The following AFG2A variants were observed in gnomAD, a reference collection of about 807,000 sequenced individuals.
The protein encoded by AFG2A is ATPase family gene 2 protein homolog A.
chr4:123,188,755 A>C, the AFG2A span, among the ~76,000 whole-genome samples: 1 of 152,230 alleles, frequency 6.6e-6, no homozygotes, highest in African/African-American at 2.4e-5. Context: ...AAATAGGATT[A>C]ATCATAAAAG....
At chr4:122,958,975 C>T in the AFG2A span, among the ~76,000 whole-genome samples, 1 of 152,150 alleles carries the variant, frequency 6.6e-6, no homozygotes, top group Admixed American at 6.5e-5. Context: ...GGTTCTCCAA[C>T]CTATGTAAGA....
the AFG2A span, among the ~76,000 whole-genome samples, chr4:123,201,855 G>A: frequency 2.0e-5 from 3 of 152,072 alleles, no homozygotes; most frequent in Non-Finnish European, 2.9e-5. Context: ...TGGTGAGGTC[G>A]AGGCTGCAGT....
At chr4:123,012,796 C>T in the AFG2A span, among the ~76,000 whole-genome samples, 5 of 152,000 alleles carry the variant, frequency 3.3e-5, no homozygotes, top group Admixed American at 2.0e-4. Context: ...GTAAAGAGGC[C>T]GCTTACCGAC....
chr4:123,185,050 C>G, the AFG2A span, among the ~76,000 whole-genome samples: 2 of 152,186 alleles, frequency 1.3e-5, no homozygotes, highest in Non-Finnish European at 2.9e-5. Context: ...CCTGCCAAGA[C>G]TATCCCTTTA....
chr4:123,062,584 C>T, the AFG2A span, among the ~76,000 whole-genome samples: 3 of 152,092 alleles, frequency 2.0e-5, no homozygotes, highest in African/African-American at 7.2e-5. Context: ...TATGGTATAG[C>T]AATAAGTCAT....
the AFG2A span, among the ~76,000 whole-genome samples, chr4:123,023,149 A>T: frequency 3.3e-5 from 5 of 151,820 alleles, no homozygotes; most frequent in Non-Finnish European, 7.4e-5. Flanking sequence ...ACTAACCTGC[A>T]CATTGTGCAC....
At chr4:123,100,528 C>G in the AFG2A span, among the ~76,000 whole-genome samples, 1 of 151,768 alleles carries the variant, frequency 6.6e-6, no homozygotes, top group African/African-American at 2.4e-5. Flanking sequence ...CCTTTTTGCT[C>G]TGAAGTTGTA....
chr4:123,240,054 A>G, the AFG2A span, among the ~76,000 whole-genome samples: 172 of 152,338 alleles, frequency 1.1e-3, 2 homozygotes, highest in East Asian at 0.013. Context: ...CAGGCTTTAA[A>G]CCAACAAAGA....
the AFG2A span, among the ~76,000 whole-genome samples, chr4:123,209,367 G>T: frequency 0.026 from 3,918 of 152,064 alleles, 190 homozygotes; most frequent in African/African-American, 0.088. Flanking sequence ...TATATTTAGG[G>T]TTATAAAGTC....
the AFG2A span, among the ~76,000 whole-genome samples, chr4:123,309,651 C>T: frequency 6.6e-6 from 1 of 152,142 alleles, no homozygotes; most frequent in Non-Finnish European, 1.5e-5. Context: ...GGTTGAGTAT[C>T]ACTAATCTGA....
the AFG2A span, among the ~76,000 whole-genome samples, chr4:122,940,624 C>T: frequency 6.6e-6 from 1 of 152,170 alleles, no homozygotes; most frequent in Non-Finnish European, 1.5e-5. Flanking sequence ...TGTGCAGAAG[C>T]TCCTTAGTTT....
the AFG2A span, among the ~76,000 whole-genome samples, chr4:123,059,982 C>T: frequency 7.3e-4 from 111 of 152,252 alleles, no homozygotes; most frequent in African/African-American, 2.6e-3. Context: ...ATGTCCTTTG[C>T]CCACTTTTTG....
At chr4:123,190,604 A>T in the AFG2A span, among the ~76,000 whole-genome samples, 2 of 152,192 alleles carry the variant, frequency 1.3e-5, no homozygotes. Context: ...TTCCTCTAAT[A>T]GATTAATGGA....
At chr4:123,227,941 A>G in the AFG2A span, among the ~76,000 whole-genome samples, 1 of 152,070 alleles carries the variant, frequency 6.6e-6, no homozygotes, top group African/African-American at 2.4e-5. Context: ...CTTCTTGTTG[A>G]ATTGATCCCT....
At chr4:123,090,800 T>A in the AFG2A span, 1 of 1,510,370 alleles carries the variant, frequency 6.6e-7, no homozygotes, top group Non-Finnish European at 9.0e-7. Flanking sequence ...TTCTAATCAG[T>A]ATTTCATTTA....
chr4:123,028,517 A>G, the AFG2A span: 1 of 736,970 alleles, frequency 1.4e-6, no homozygotes, highest in Non-Finnish European at 2.2e-6. Flanking sequence ...TTTTTTTTTT[A>G]TTTGATGTTG....
At chr4:123,080,203 G>C in the AFG2A span, among the ~76,000 whole-genome samples, 14 of 152,194 alleles carry the variant, frequency 9.2e-5, no homozygotes, top group Admixed American at 8.5e-4. Context: ...AGATGAAGTC[G>C]TAAGGTTAGT....
the AFG2A span, among the ~76,000 whole-genome samples, chr4:123,192,808 C>T: frequency 6.6e-6 from 1 of 152,172 alleles, no homozygotes; most frequent in Non-Finnish European, 1.5e-5. Flanking sequence ...TATTTTTCTT[C>T]CCAGATCCAA....
At chr4:123,250,246 G>A in the AFG2A span, among the ~76,000 whole-genome samples, 21 of 152,314 alleles carry the variant, frequency 1.4e-4, no homozygotes, top group Non-Finnish European at 2.6e-4. Flanking sequence ...CCTTATAATT[G>A]TGGTATAAGG....
Sources: gnomAD v4.1 joint callset for allele counts (sites outside exome capture counted in the v4.1 genomes callset) on GRCh38, gnomAD v4.1.1 for gene constraint, MANE v1.5 for transcripts, NCBI Gene and HGNC (gene_info 2026-07-23, HGNC 2026-07-21) for gene names.